PRKG1: variants seen among roughly 807,000 people sequenced by gnomAD.
The protein encoded by PRKG1 is protein kinase cGMP-dependent 1.
A neutral mutation model predicts 88.1 loss-of-function variants in PRKG1; 35 were observed. That is an observed-to-expected ratio of 0.40 (90% CI 0.30 to 0.53). The LOEUF (loss-of-function observed/expected upper bound fraction) is 0.53, where lower values mean the gene tolerates loss of function less well. PRKG1 is among the 20% of genes least tolerant of loss of function. PRKG1 has a pLI of 0.59. For missense variants in PRKG1, 540 were observed against 839.8 expected (o/e 0.64, Z 4.41); for synonymous variants, 303 against 292.5 (o/e 1.04, Z -0.37).
intron 2 of PRKG1, among the ~76,000 whole-genome samples, chr10:51,375,737 A>G (rs1249405906): frequency 6.7e-6 from 1 of 149,502 alleles, no homozygotes; most frequent in Non-Finnish European, 1.5e-5. Context: ...ATAAATATAT[A>G]ATATGAGTGT....
intron 10 of PRKG1, chr10:52,253,489 A>T (rs929613026): frequency 2.1e-5 from 3 of 145,878 alleles, no homozygotes; most frequent in African/African-American, 7.5e-5. Flanking sequence ...TAGCCTCAAA[A>T]TTGGGAAGAA....
At chr10:51,171,550 G>A (rs961374592) in intron 2 of PRKG1, among the ~76,000 whole-genome samples, 1 of 152,188 alleles carries the variant, frequency 6.6e-6, no homozygotes, top group South Asian at 2.1e-4. Flanking sequence ...GGGAAGGGAA[G>A]AAAGATAAAT....
chr10:51,295,040 G>T (rs1490098923), intron 2 of PRKG1, among the ~76,000 whole-genome samples: 1 of 151,960 alleles, frequency 6.6e-6, no homozygotes, highest in Non-Finnish European at 1.5e-5. Flanking sequence ...CTATGATTGT[G>T]CCACTGCACT....
intron 3 of PRKG1, among the ~76,000 whole-genome samples, chr10:51,774,657 G>C (rs1193325578): frequency 3.3e-5 from 5 of 151,956 alleles, no homozygotes; most frequent in African/African-American, 1.2e-4. Flanking sequence ...CTCAATCCTT[G>C]AATTTAAAAA....
intron 8 of PRKG1, among the ~76,000 whole-genome samples, chr10:52,136,369 G>A (rs1291341047): frequency 6.6e-6 from 1 of 152,046 alleles, no homozygotes; most frequent in African/African-American, 2.4e-5. Flanking sequence ...GTAGAGAAAT[G>A]CCAGGATGTA....
chr10:51,014,467 G>A (rs1283526512), intron 1 of PRKG1, among the ~76,000 whole-genome samples: 1 of 152,074 alleles, frequency 6.6e-6, no homozygotes, highest in East Asian at 1.9e-4. Flanking sequence ...AAACACTAAC[G>A]ATAGTAATAA....
chr10:51,654,129 A>G (rs1371200895), intron 3 of PRKG1, among the ~76,000 whole-genome samples: 1 of 151,954 alleles, frequency 6.6e-6, no homozygotes, highest in Non-Finnish European at 1.5e-5. Context: ...CTTTTTGCCT[A>G]TGTTTTCTTC....
chr10:51,783,720 C>T (rs1343026708), intron 3 of PRKG1, among the ~76,000 whole-genome samples: 1 of 152,114 alleles, frequency 6.6e-6, no homozygotes, highest in Non-Finnish European at 1.5e-5. Context: ...TGTAAGAACC[C>T]TCCAGGGGAT....
At chr10:51,437,155 A>T (rs950649599) in intron 2 of PRKG1, among the ~76,000 whole-genome samples, 1 of 151,976 alleles carries the variant, frequency 6.6e-6, no homozygotes, top group African/African-American at 2.4e-5. Flanking sequence ...AATTTTTCCC[A>T]TGGATTAAAT....
chr10:51,516,738 G>T (rs1164540464), intron 3 of PRKG1, among the ~76,000 whole-genome samples: 1 of 152,180 alleles, frequency 6.6e-6, no homozygotes, highest in Middle Eastern at 3.2e-3. Context: ...TGACTATGCT[G>T]ATGTGACAAT....
At chr10:52,006,237 C>G (rs1426973481) in intron 5 of PRKG1, among the ~76,000 whole-genome samples, 2 of 152,126 alleles carry the variant, frequency 1.3e-5, no homozygotes, top group East Asian at 3.9e-4. Context: ...TTTCTTTCTT[C>G]CAAATGACCA....
chr10:51,994,714 G>A (rs896163303), intron 5 of PRKG1, among the ~76,000 whole-genome samples: 1 of 152,160 alleles, frequency 6.6e-6, no homozygotes, highest in African/African-American at 2.4e-5. Flanking sequence ...GGAGGATAGA[G>A]TGTGCTGTTG....
intron 5 of PRKG1, among the ~76,000 whole-genome samples, chr10:51,950,742 G>A (rs968799701): frequency 1.3e-5 from 2 of 152,274 alleles, no homozygotes; most frequent in African/African-American, 4.8e-5. Context: ...CCCATGGCAT[G>A]GAGCAGCTGC....
In PRKG1 at chr10:52,088,066, G is replaced by T. The variant is rs139854277; in HGVS notation, c.935+25435G>T. On this transcript the variant is annotated intron_variant, in intron 7 of 17. Transcript: ENST00000373980. ...CTACCTAGGGAAAGTCAGAAAATGT[G>T]CCATAAGTGTTTCACATCCTGCTTA... Among the ~76,000 whole-genome samples, 116 of 152,220 alleles carry T rather than the reference G, an allele frequency of 7.6e-4. 1 individual carries two copies. The highest frequency in any genetic ancestry group is 2.7e-3 in the African/African-American group (112 of 41,546).
intron 2 of PRKG1, among the ~76,000 whole-genome samples, chr10:51,466,036 G>A (rs1366855056): frequency 6.6e-6 from 1 of 152,162 alleles, no homozygotes; most frequent in African/African-American, 2.4e-5. Flanking sequence ...CATAAGGCCA[G>A]TAAGGAACAG....
intron 2 of PRKG1, among the ~76,000 whole-genome samples, chr10:51,343,463 A>G (rs1588862745): frequency 6.6e-6 from 1 of 152,310 alleles, no homozygotes; most frequent in East Asian, 1.9e-4. Context: ...ATCAGTAACC[A>G]AAGCAAAATA....
intron 2 of PRKG1, among the ~76,000 whole-genome samples, chr10:51,224,929 C>T (rs949272398): frequency 1.3e-5 from 2 of 152,100 alleles, no homozygotes; most frequent in Non-Finnish European, 2.9e-5. Context: ...TAGCCATGCC[C>T]CTGCTTCCCA....
intron 3 of PRKG1, among the ~76,000 whole-genome samples, chr10:51,470,251 A>G (rs1235050210): frequency 6.6e-6 from 1 of 151,896 alleles, no homozygotes; most frequent in Non-Finnish European, 1.5e-5. Context: ...GATTATATCA[A>G]CTTGTCCATA....
chr10:51,194,191 C>T (rs763567743), intron 2 of PRKG1, among the ~76,000 whole-genome samples: 8 of 151,360 alleles, frequency 5.3e-5, no homozygotes, highest in Non-Finnish European at 1.2e-4. Context: ...TTTTGGCACA[C>T]AGTAGAAGAT....
Sources: gnomAD v4.1 joint callset for allele counts (sites outside exome capture counted in the v4.1 genomes callset) on GRCh38, gnomAD v4.1.1 for gene constraint, MANE v1.5 for transcripts, NCBI Gene and HGNC (gene_info 2026-07-23, HGNC 2026-07-21) for gene names.